Variants in VWA5B1 observed in about 807,000 individuals in gnomAD.
The protein encoded by VWA5B1 is von Willebrand factor A domain-containing protein 5B1.
In VWA5B1, 115 loss-of-function variants were observed where a neutral mutation model predicts 118.2. The observed-to-expected ratio is 0.97, with a 90% CI of 0.84 to 1.14. The LOEUF (loss-of-function observed/expected upper bound fraction) is 1.14, where lower values mean the gene tolerates loss of function less well. VWA5B1 is among the 50% of genes most tolerant of loss of function. The probability of loss-of-function intolerance (pLI) is 0.00; values close to 1 mark genes in which losing one functional copy is unlikely to be tolerated. For missense variants in VWA5B1, 1,596 were observed against 1,603.8 expected (o/e 1.00, Z 0.08); for synonymous variants, 682 against 658.4 (o/e 1.04, Z -0.55).
intron 12 of VWA5B1, among the ~76,000 whole-genome samples, chr1:20,334,734 C>T (rs556884633): frequency 4.3e-4 from 66 of 152,162 alleles, no homozygotes; most frequent in Middle Eastern, 3.4e-3. Context: ...TCACTTGAAC[C>T]CGGAAGACAG....
chr1:20,328,343 G>C (rs770115969), intron 9 of VWA5B1, among the ~76,000 whole-genome samples: 15 of 152,166 alleles, frequency 9.9e-5, no homozygotes, highest in Non-Finnish European at 1.9e-4. Flanking sequence ...AAGGATGATG[G>C]ACGCATGCAA....
intron 14 of VWA5B1, 43 bp from the exon 15 acceptor site, chr1:20,342,388 TC>T (rs1470039943): frequency 1.3e-6 from 2 of 1,541,414 alleles, no homozygotes; most frequent in Non-Finnish European, 1.8e-6. Flanking sequence ...CTCCTCCTCC[TC>T]CTCGTCCTCC....
rs144516440 is a variant in VWA5B1, at chr1:20,317,824, TG to T, written c.709+151del. The T allele has an allele frequency of 6.3e-6, 7 of 1,112,840 alleles. No individual in the cohort carries two copies. The East Asian group carries it at 2.0e-4, about 31-fold the overall frequency. The allele number at this position is 1,112,840 out of a possible 1,614,324, so 68.9% of individuals were successfully genotyped here. On this transcript the variant is annotated intron_variant, in intron 5 of 21. Coordinates refer to ENST00000289815, the MANE Select transcript of VWA5B1 (RefSeq NM_001039500.3). ...AAAGCCTGTGGACCCCCATTTCCCA[TG>T]GCCCCAACAAGCAGCCCAAAGATAA...
At chr1:20,320,157 C>G (rs1483635200) in intron 7 of VWA5B1, among the ~76,000 whole-genome samples, 1 of 152,224 alleles carries the variant, frequency 6.6e-6, no homozygotes, top group African/African-American at 2.4e-5. Context: ...AGAATGATGG[C>G]TCATCTCTTT....
At chr1:20,350,264 G>A in intron 19 of VWA5B1, 34 bp downstream of exon 19, 2 of 1,549,846 alleles carry the variant, frequency 1.3e-6, no homozygotes, top group Non-Finnish European at 1.7e-6. Flanking sequence ...TCTTCATCAA[G>A]ATGGTGACAG....
At chr1:20,294,685 G>A (rs998944051) in intron 1 of VWA5B1, among the ~76,000 whole-genome samples, 13 of 151,996 alleles carry the variant, frequency 8.6e-5, no homozygotes, top group African/African-American at 3.1e-4. Flanking sequence ...CTCCATGTTG[G>A]TCTGGCTGGT....
chr1:20,306,659 A>G (rs1026563309), intron 1 of VWA5B1, among the ~76,000 whole-genome samples: 12 of 152,188 alleles, frequency 7.9e-5, no homozygotes, highest in African/African-American at 2.7e-4. Context: ...TTGAGCACCT[A>G]TTATGTGCCA....
Position 20,317,668 on chromosome 1 carries a change from G to C in VWA5B1, c.702G>C (p.Leu234=), listed in dbSNP as rs775521915. ...NFQLEIRGPC[L]LAGVESPTHE... ...AGCTGGAGATCCGTGGGCCATGTCT[G>C]CTCGCAGGTGAGAGGGAGACATCCA... is the stretch of plus-strand genomic sequence containing the variant. The change falls in exon 5 of 22, where the codon CTG becomes CTC. Residue 234 remains leucine, a synonymous_variant. Transcript: ENST00000289815. The C allele has an allele frequency of 1.2e-5, 18 of 1,550,716 alleles. No homozygotes were observed. The highest frequency in any genetic ancestry group is 1.6e-5 in the Non-Finnish European group (18 of 1,146,518).
chr1:20,299,586 T>G (rs2088468751), intron 1 of VWA5B1, among the ~76,000 whole-genome samples: 1 of 152,144 alleles, frequency 6.6e-6, no homozygotes, highest in African/African-American at 2.4e-5. Context: ...GTAGTTTTAG[T>G]AAAGGCGGGG....
At position 20,297,996 on chromosome 1, in the gene VWA5B1, A is replaced by ATTTTTTTTT. The variant is rs60497976; in HGVS notation, c.-27+6922_-27+6930dup. Reference sequence around the variant, plus strand: ...GATTACTTTCATGACTCGGTGGTGGATTTTTTTTTTTTTTTTTTTTTTGTT... The same window carrying ATTTTTTTTT: ...GATTACTTTCATGACTCGGTGGTGGATTTTTTTTTTTTTTTTTTTTTTTTTTTTTTTGTT... On this transcript the variant is annotated intron_variant, in intron 1 of 21. Coordinates refer to ENST00000289815, the MANE Select transcript of VWA5B1 (RefSeq NM_001039500.3). 1.4e-3 allele frequency among the ~76,000 whole-genome samples: 179 copies of ATTTTTTTTT among 126,548 alleles called. 2 individuals are homozygous for ATTTTTTTTT. Among genetic ancestry groups the ATTTTTTTTT allele is most frequent in the Non-Finnish European group, 2.0e-3 (122 of 60,494 alleles). The allele number at this position is 126,548 out of a possible 152,430, so 83.0% of individuals were successfully genotyped here.
intron 1 of VWA5B1, among the ~76,000 whole-genome samples, chr1:20,298,570 C>A (rs953919159): frequency 2.0e-5 from 3 of 152,072 alleles, no homozygotes; most frequent in Admixed American, 2.0e-4. Flanking sequence ...ATGCACAGTT[C>A]TCTTTCTCAT....
chr1:20,321,334 C>T (rs2089208671), intron 7 of VWA5B1, among the ~76,000 whole-genome samples: 1 of 152,158 alleles, frequency 6.6e-6, no homozygotes, highest in Non-Finnish European at 1.5e-5. Flanking sequence ...CCCCTGCAAT[C>T]GCAGCACTCT....
intron 21 of VWA5B1, 75 bp downstream of exon 21, chr1:20,352,247 C>T: frequency 9.4e-7 from 1 of 1,066,354 alleles, no homozygotes; most frequent in Non-Finnish European, 1.4e-6. Context: ...ATCCCCCTGC[C>T]CACCTCTCCA....
rs570788826 is a variant in VWA5B1, at chr1:20,355,122, G to A, written c.*859G>A. Among the ~76,000 whole-genome samples the A allele has an allele frequency of 2.0e-5, 3 of 152,270 alleles. No individual in the cohort carries two copies. In the East Asian group the frequency reaches 5.8e-4, roughly 29 times the overall value. On this transcript the variant is annotated 3_prime_UTR_variant, in exon 22 of 22. Transcript: ENST00000289815. ...TTAATTTTCCCACTTTTAGGAATTG[G>A]GTAAAGCGAACTGCATCACTTGTAC...
chr1:20,300,279 C>A (rs763391187), intron 1 of VWA5B1, among the ~76,000 whole-genome samples: 1 of 152,120 alleles, frequency 6.6e-6, no homozygotes, highest in Admixed American at 6.5e-5. Flanking sequence ...TTCAACTGGG[C>A]GGGGTGCATG....
rs1016569191 is a variant in VWA5B1, at chr1:20,342,538, G to A, written c.2240G>A (p.Trp747Ter). ...CAAGGCTGCCAGCCCTTCCTGCCCTGGGGCCAGGAGACCCAGGCCTGGAGC... is the reference window on the plus strand; with the variant it reads ...CAAGGCTGCCAGCCCTTCCTGCCCTAGGGCCAGGAGACCCAGGCCTGGAGC... Reference protein sequence around the residue: ...LPQGCQPFLPWGQETQAWSPV... With the variant: ...LPQGCQPFLP Residue 747 changes from tryptophan to a stop codon, truncating the protein, a stop_gained, in exon 15 of 22, where the codon TGG becomes TAG. Coordinates refer to ENST00000289815, the MANE Select transcript of VWA5B1 (RefSeq NM_001039500.3). LOFTEE classifies it high-confidence loss of function. 1.4e-5 allele frequency: 21 copies of A among 1,545,460 alleles called. No individual in the cohort carries two copies. The highest frequency in any genetic ancestry group is 1.7e-5 in the Non-Finnish European group (19 of 1,144,828).
At chr1:20,297,994 G>A (rs1477339797) in intron 1 of VWA5B1, among the ~76,000 whole-genome samples, 1 of 99,930 alleles carries the variant, frequency 1.0e-5, no homozygotes, top group Non-Finnish European at 2.1e-5. Context: ...ACTCGGTGGT[G>A]GATTTTTTTT....
At chr1:20,342,402 C>T in intron 14 of VWA5B1, 30 bp from the exon 15 acceptor site, 1 of 1,547,002 alleles carries the variant, frequency 6.5e-7, no homozygotes, top group Non-Finnish European at 8.7e-7. Flanking sequence ...CGTCCTCCTC[C>T]TCTTTCTCTT....
intron 12 of VWA5B1, among the ~76,000 whole-genome samples, chr1:20,334,156 T>C (rs2089649603): frequency 6.6e-6 from 1 of 152,232 alleles, no homozygotes; most frequent in African/African-American, 2.4e-5. Context: ...AATTGGAACT[T>C]TATGTGAAAG....
Sources: allele counts gnomAD v4.1 joint callset (sites outside exome capture counted in the v4.1 genomes callset), GRCh38; gene constraint gnomAD v4.1.1; transcripts MANE v1.5; gene names NCBI Gene and HGNC (gene_info 2026-07-23, HGNC 2026-07-21).